The following PARP6 variants were observed in gnomAD, a reference collection of about 807,000 sequenced individuals.
PARP6 encodes protein mono-ADP-ribosyltransferase PARP6.
In PARP6, 27 loss-of-function variants were observed where a neutral mutation model predicts 92.0. The observed-to-expected ratio is 0.29, with a 90% confidence interval of 0.22 to 0.40. The LOEUF is 0.40. Among genes scored for constraint, PARP6 ranks in the 10% least tolerant of loss-of-function variants. The pLI is 1.00. For synonymous variants in PARP6, 272 were observed against 281.2 expected (o/e 0.97, Z 0.33); for missense variants, 501 against 784.5 (o/e 0.64, Z 4.32).
At position 72,261,600 on chromosome 15, in the gene PARP6, T is replaced by C. The variant is rs771242986; in HGVS notation, c.503A>G (p.Lys168Arg). The C allele has an allele frequency of 1.1e-5, 17 of 1,614,192 alleles. No homozygotes were observed. In the African/African-American group the frequency reaches 1.2e-4, roughly 11 times the overall value. Residue 168 changes from lysine to arginine, a missense_variant, in exon 9 of 24, where the codon AAG becomes AGG. This residue lies in a region of PARP6 where 291 missense variants were observed against 352.0 expected (regional missense o/e 0.83). Transcript: ENST00000569795. ...HSWFKASGTI[K>R]KFRAGLSIFS... ...GATGCTGAGGCCAGCTCGGAACTTC[T>C]TGATGGTACCACTTGCCTTGAACCA...
At chr15:72,265,757 G>T (rs1426169) in intron 5 of PARP6, 140 bp downstream of exon 5, 16,038 of 680,104 alleles carry the variant, frequency 0.024, 352 homozygotes, top group African/African-American at 0.089. Context: ...TCTCAGCCAA[G>T]CTCATTTATT....
intron 8 of PARP6, among the ~76,000 whole-genome samples, chr15:72,262,898 C>T (rs1284292913): frequency 2.0e-4 from 31 of 152,190 alleles, no homozygotes; most frequent in Admixed American, 2.0e-3. Context: ...ATCCTATCTT[C>T]TTTTCCCACT....
intron 2 of PARP6, among the ~76,000 whole-genome samples, chr15:72,270,689 C>T (rs923949514): frequency 6.6e-6 from 1 of 152,212 alleles, no homozygotes; most frequent in African/African-American, 2.4e-5. Flanking sequence ...GATCTCTGCT[C>T]AAAGGCCACC....
chr15:72,250,242 A>T, intron 18 of PARP6, 150 bp from the exon 19 acceptor site: 1 of 636,710 alleles, frequency 1.6e-6, no homozygotes. Flanking sequence ...ATACAGTCAC[A>T]GGCATGCAAG....
intron 14 of PARP6, among the ~76,000 whole-genome samples, chr15:72,255,784 CTTTTTTTTTTTTTTTTTTT>C (rs67560148): frequency 1.1e-5 from 1 of 92,808 alleles, no homozygotes; most frequent in Non-Finnish European, 2.0e-5. Flanking sequence ...TTACTTCTCT[CTTTTTTTTTTTTTTTTTTT>C]TTTTTTTTTT....
At chr15:72,270,979 A>T (rs1314750497) in intron 2 of PARP6, 44 bp downstream of exon 2, 1 of 152,234 alleles carries the variant, frequency 6.6e-6, no homozygotes, top group Non-Finnish European at 1.5e-5. Flanking sequence ...CTACACATAG[A>T]CAAAAATCAC....
At chr15:72,257,490 G>C in intron 12 of PARP6, 50 bp from the exon 13 acceptor site, 1 of 1,460,128 alleles carries the variant, frequency 6.8e-7, no homozygotes, top group Admixed American at 1.7e-5. Flanking sequence ...GTGCAATAAG[G>C]TGTAGGCAGA....
At chr15:72,249,165 AG>A (rs1439099412) in intron 20 of PARP6, 79 bp downstream of exon 20, 2 of 738,808 alleles carry the variant, frequency 2.7e-6, no homozygotes, top group South Asian at 1.7e-5. Flanking sequence ...ATAATGAGGG[AG>A]GAACAGACAG....
Position 72,267,488 on chromosome 15 carries a change from G to C in PARP6, c.-11C>G. The C allele has an allele frequency of 2.5e-6, 4 of 1,613,814 alleles. No homozygotes were observed. The highest frequency in any genetic ancestry group is 3.4e-6 in the Non-Finnish European group (4 of 1,179,810). ...GTCAGTTCTCACCATTGGGTCAGTG[G>C]GTCACACACACTCTCAGGTCAGTGC... is the stretch of plus-strand genomic sequence containing the variant. On this transcript the variant is annotated 5_prime_UTR_variant, in exon 3 of 24. Coordinates refer to ENST00000569795, the MANE Select transcript of PARP6 (RefSeq NM_001323532.2).
Position 72,258,099 on chromosome 15 carries a change from A to T in PARP6, c.844T>A (p.Leu282Met), listed in dbSNP as rs754103965. 1.9e-6 allele frequency: 3 copies of T among 1,613,916 alleles called. No homozygotes were observed. The highest frequency in any genetic ancestry group is 2.5e-6 in the Non-Finnish European group (3 of 1,179,764). Residue 282 changes from leucine (L) to methionine (M), a missense_variant, in exon 12 of 24, where the codon TTG (leucine) becomes ATG (methionine). This residue lies in a region of PARP6 where 291 missense variants were observed against 352.0 expected (regional missense o/e 0.83). Coordinates refer to ENST00000569795, the MANE Select transcript of PARP6 (RefSeq NM_001323532.2). ...TCACACACCACACAGTACTCATTCAATGTTGGAATCCTCTGTTCTGCATAC... is the reference window on the plus strand; with the variant it reads ...TCACACACCACACAGTACTCATTCATTGTTGGAATCCTCTGTTCTGCATAC... ...MKYAEQRIPTLNEYCVVCDEQ... is the reference protein window; with the variant it reads ...MKYAEQRIPTMNEYCVVCDEQ...
In PARP6 at chr15:72,241,224, A is replaced by T. The variant is rs1464169439; in HGVS notation, c.*231T>A. 2 of 654,758 alleles carry T rather than the reference A, an allele frequency of 3.1e-6. No individual in the cohort carries two copies. Among genetic ancestry groups the T allele is most frequent in the South Asian group, 3.0e-5 (2 of 66,302 alleles). The allele number at this position is 654,758 out of a possible 1,614,324, so 40.6% of individuals were successfully genotyped here. A position where few individuals can be genotyped will look rare whatever the true frequency, so the allele number is the denominator to read the frequency against. On this transcript the variant is annotated 3_prime_UTR_variant, in exon 24 of 24. Transcript: ENST00000569795. This position sits in a 1 kb window ranked among gnomAD's most constrained non-coding sequence, Gnocchi z 4.1. ...CCATTTTATTGTTTTATTTACAAACAGGGTGAAGTCAAAGGGAAAGTCAGG... is the reference window on the plus strand; with the variant it reads ...CCATTTTATTGTTTTATTTACAAACTGGGTGAAGTCAAAGGGAAAGTCAGG...
At chr15:72,266,042 A>C in intron 4 of PARP6, 51 bp from the exon 5 acceptor site, 3 of 1,136,172 alleles carry the variant, frequency 2.6e-6, no homozygotes, top group South Asian at 1.2e-5. Context: ...AAGACGAGGG[A>C]AAGAGAGAGA....
chr15:72,241,830 C>T lies in PARP6; in HGVS notation c.1790+71G>A. On this transcript the variant is annotated intron_variant, in intron 23 of 23. Coordinates refer to ENST00000569795, the MANE Select transcript of PARP6 (RefSeq NM_001323532.2). The surrounding 1 kb of genome is among the most constrained non-coding windows in gnomAD (Gnocchi z 4.1). ...CTCAGATAACAGAAATAGACTTTTC[C>T]CAGTAGCCACACACCATCACACCCC... The T allele has an allele frequency of 8.9e-7, 1 of 1,123,092 alleles. No individual in the cohort carries two copies. The allele number at this position is 1,123,092 out of a possible 1,614,324, so 69.6% of individuals were successfully genotyped here. A position where few individuals can be genotyped will look rare whatever the true frequency, so the allele number is the denominator to read the frequency against.
chr15:72,267,404 G>T (rs1212691162), intron 3 of PARP6, 71 bp downstream of exon 3: 4 of 1,529,372 alleles, frequency 2.6e-6, no homozygotes, highest in Admixed American at 3.4e-5. Context: ...TACCAAGAAA[G>T]GGTGAGATCT....
In PARP6 at chr15:72,253,567, T is replaced by C; in HGVS notation, c.1192-63A>G. 3 of 1,362,374 alleles carry C rather than the reference T, an allele frequency of 2.2e-6. No individual in the cohort carries two copies. In the South Asian group the frequency reaches 3.6e-5, roughly 16 times the overall value. 84.4% of individuals were successfully genotyped at this position (1,362,374 alleles called of 1,614,324 possible). A position where few individuals can be genotyped will look rare whatever the true frequency, so the allele number is the denominator to read the frequency against. ...GGTGGGAGCCTACCTGCTTTCTGCT[T>C]TTCACAGAGTGACTATTAGGGTCCA... On this transcript the variant is annotated intron_variant, in intron 15 of 23. Coordinates refer to ENST00000569795, the MANE Select transcript of PARP6 (RefSeq NM_001323532.2).
chr15:72,245,973 G>A (rs2083554477), intron 20 of PARP6, among the ~76,000 whole-genome samples: 1 of 152,144 alleles, frequency 6.6e-6, no homozygotes, highest in Non-Finnish European at 1.5e-5. Context: ...GGGATGCTTA[G>A]GCTGAGACAA....
At chr15:72,250,196 A>G (rs2084166593) in intron 18 of PARP6, 104 bp from the exon 19 acceptor site, 1 of 744,676 alleles carries the variant, frequency 1.3e-6, no homozygotes, top group South Asian at 1.5e-5. Context: ...GGACATGAAG[A>G]TGGACAGGTA....
chr15:72,248,092 C>T, intron 20 of PARP6, among the ~76,000 whole-genome samples: 1 of 152,090 alleles, frequency 6.6e-6, no homozygotes, highest in East Asian at 1.9e-4. Flanking sequence ...TTAAATTCTG[C>T]TTATCTATAG....
In PARP6 at chr15:72,241,223, C is replaced by T; in HGVS notation, c.*232G>A. ...TCCATTTTATTGTTTTATTTACAAA[C>T]AGGGTGAAGTCAAAGGGAAAGTCAG... On this transcript the variant is annotated 3_prime_UTR_variant, in exon 24 of 24. Coordinates refer to ENST00000569795, the MANE Select transcript of PARP6 (RefSeq NM_001323532.2). This position sits in a 1 kb window ranked among gnomAD's most constrained non-coding sequence, Gnocchi z 4.1. 1 of 652,742 alleles carries T rather than the reference C, an allele frequency of 1.5e-6. No individual in the cohort carries two copies. Among genetic ancestry groups the T allele is most frequent in the South Asian group, 1.5e-5 (1 of 66,278 alleles). The allele number at this position is 652,742 out of a possible 1,614,324, so 40.4% of individuals were successfully genotyped here.
Sources: gnomAD v4.1 joint callset for allele counts (sites outside exome capture counted in the v4.1 genomes callset) on GRCh38, gnomAD v4.1.1 for gene constraint, gnomAD v4.1.1 regional missense constraint, Gnocchi (gnomAD v3.1) non-coding constraint, MANE v1.5 for transcripts, NCBI Gene and HGNC (gene_info 2026-07-23, HGNC 2026-07-21) for gene names.